COBL: variants seen among roughly 807,000 people sequenced by gnomAD.
COBL encodes the protein cordon-bleu WH2 repeat protein, also known as protein cordon-bleu.
COBL carries 51 observed loss-of-function variants against 98.8 expected under a neutral mutation model. The ratio of observed to expected loss-of-function variants is 0.52; its 90% CI spans 0.41 to 0.65. The LOEUF (loss-of-function observed/expected upper bound fraction) is 0.65, where lower values mean the gene tolerates loss of function less well. Among genes scored for constraint, COBL ranks in the 30% least tolerant of loss-of-function variants. The probability of loss-of-function intolerance (pLI) is 0.00; values close to 1 mark genes in which losing one functional copy is unlikely to be tolerated. For missense variants in COBL, 1,617 were observed against 1,617.5 expected (o/e 1.00, Z 0.01); for synonymous variants, 634 against 651.7 (o/e 0.97, Z 0.41).
At chr7:51,123,152 G>T (rs1344892) in intron 6 of COBL, among the ~76,000 whole-genome samples, 69,140 of 152,000 alleles carry the variant, frequency 0.45, 15,944 homozygotes, top group Middle Eastern at 0.68. Flanking sequence ...TGGAAGTTGG[G>T]TAAAGCCAAA....
chr7:51,223,136 C>T (rs1488517420), intron 1 of COBL, among the ~76,000 whole-genome samples: 1 of 152,242 alleles, frequency 6.6e-6, no homozygotes, highest in Non-Finnish European at 1.5e-5. Flanking sequence ...GCTCGGGGCA[C>T]GCACTGCTTA....
intron 6 of COBL, among the ~76,000 whole-genome samples, chr7:51,111,658 G>A (rs1472161026): frequency 1.3e-5 from 2 of 151,700 alleles, no homozygotes; most frequent in East Asian, 1.9e-4. Context: ...AAAAGAAACA[G>A]CTGCCTCTCC....
chr7:51,055,347 G>A (rs529157455), intron 7 of COBL, among the ~76,000 whole-genome samples: 44 of 152,094 alleles, frequency 2.9e-4, no homozygotes, highest in Non-Finnish European at 5.4e-4. Flanking sequence ...ATCTCTTAAC[G>A]TCCTCATCCA....
chr7:51,181,646 G>A (rs935776886), intron 5 of COBL, among the ~76,000 whole-genome samples: 5 of 152,208 alleles, frequency 3.3e-5, no homozygotes, highest in Non-Finnish European at 7.3e-5. Flanking sequence ...CCTTGGCCCA[G>A]ATAAACTATC....
chr7:51,084,160 G>A (rs1019140765), intron 7 of COBL, among the ~76,000 whole-genome samples: 17 of 152,242 alleles, frequency 1.1e-4, no homozygotes, highest in African/African-American at 3.9e-4. Context: ...CATTAAAAGC[G>A]AGGAACTGAC....
intron 6 of COBL, among the ~76,000 whole-genome samples, chr7:51,127,932 G>A (rs528953830): frequency 3.3e-5 from 5 of 152,286 alleles, no homozygotes; most frequent in South Asian, 2.1e-4. Context: ...GTGCTCCCAC[G>A]GTATTCCAGA....
chr7:51,280,067 A>C lies in COBL; in HGVS notation c.41+36526T>G, dbSNP rs956420585. ...CCCTCTCTCCTCCACATAGAGCAGC[A>C]AAAAAAATCTGGCCAGAATGCAAGG... On this transcript the variant is annotated intron_variant, in intron 1 of 12. Transcript: ENST00000265136. Among the ~76,000 whole-genome samples the C allele has an allele frequency of 4.6e-5, 7 of 152,268 alleles. No individual in the cohort carries two copies. In the South Asian group the frequency reaches 1.4e-3, roughly 32 times the overall value.
Position 51,109,509 on chromosome 7 carries a change from C to T in COBL, c.958-24205G>A, listed in dbSNP as rs371002563. Among the ~76,000 whole-genome samples the T allele has an allele frequency of 3.3e-5, 5 of 152,268 alleles. No individual in the cohort carries two copies. In the East Asian group the frequency reaches 7.7e-4, roughly 24 times the overall value. ...CTGTGACAGTCCTAAAATCCCATCT[C>T]CCTCCTTGCCCCCCACCCCTGGCTA... On this transcript the variant is annotated intron_variant, in intron 6 of 12. Coordinates refer to ENST00000265136, the MANE Select transcript of COBL (RefSeq NM_015198.5).
chr7:51,126,784 T>G (rs1181035749), intron 6 of COBL, among the ~76,000 whole-genome samples: 1 of 152,226 alleles, frequency 6.6e-6, no homozygotes, highest in Middle Eastern at 3.4e-3. Context: ...GCTGCCCTAT[T>G]TGCTCTCCAT....
chr7:51,085,864 C>T (rs1457389570), intron 6 of COBL, among the ~76,000 whole-genome samples: 3 of 152,148 alleles, frequency 2.0e-5, no homozygotes, highest in Admixed American at 2.0e-4. Flanking sequence ...TCCAGAATCG[C>T]AATGAAGTTT....
At chr7:51,271,378 G>A (rs944525257) in intron 1 of COBL, among the ~76,000 whole-genome samples, 17 of 152,176 alleles carry the variant, frequency 1.1e-4, no homozygotes, top group African/African-American at 3.9e-4. Flanking sequence ...GGTCCTTGGA[G>A]CTGCTGGGCT....
chr7:51,057,194 T>C (rs949456216), intron 7 of COBL, among the ~76,000 whole-genome samples: 1 of 152,216 alleles, frequency 6.6e-6, no homozygotes, highest in African/African-American at 2.4e-5. Flanking sequence ...AGAGTACTGA[T>C]GTTGGCATAT....
chr7:51,192,210 C>T (rs55699611), intron 3 of COBL, among the ~76,000 whole-genome samples: 7,747 of 152,244 alleles, frequency 0.051, 282 homozygotes, highest in Middle Eastern at 0.14. Flanking sequence ...ATGTTGGCTG[C>T]ATTACCATTT....
chr7:51,280,419 C>T (rs1399431068), intron 1 of COBL, among the ~76,000 whole-genome samples: 3 of 152,132 alleles, frequency 2.0e-5, no homozygotes, highest in Non-Finnish European at 4.4e-5. Context: ...CACAGGGACT[C>T]GCAAAGCTTC....
At chr7:51,126,986 C>T (rs1219906230) in intron 6 of COBL, among the ~76,000 whole-genome samples, 1 of 152,150 alleles carries the variant, frequency 6.6e-6, no homozygotes, top group East Asian at 1.9e-4. Flanking sequence ...GGGTCCACCA[C>T]ACACCAGGCA....
intron 6 of COBL, among the ~76,000 whole-genome samples, chr7:51,091,919 AG>A (rs1794846901): frequency 6.6e-6 from 1 of 152,240 alleles, no homozygotes; most frequent in African/African-American, 2.4e-5. Context: ...CTGCCAATCA[AG>A]GATACTTAAA....
chr7:51,152,597 T>C (rs749210684), intron 5 of COBL, among the ~76,000 whole-genome samples: 3 of 152,260 alleles, frequency 2.0e-5, no homozygotes, highest in Non-Finnish European at 4.4e-5. Flanking sequence ...ATTCTTCTCC[T>C]TCAGTTAAAT....
At chr7:51,159,986 G>A (rs1332930793) in intron 5 of COBL, among the ~76,000 whole-genome samples, 6 of 152,058 alleles carry the variant, frequency 3.9e-5, no homozygotes, top group Non-Finnish European at 5.9e-5. Context: ...TCCGCCTCCC[G>A]AGTTCAAGTG....
chr7:51,151,540 T>TA (rs1252648061), intron 5 of COBL, among the ~76,000 whole-genome samples: 1 of 152,190 alleles, frequency 6.6e-6, no homozygotes, highest in African/African-American at 2.4e-5. Context: ...TCTGATTTTT[T>TA]AAAAAAGAGA....
Sources: gnomAD v4.1 joint callset for allele counts (sites outside exome capture counted in the v4.1 genomes callset) on GRCh38, gnomAD v4.1.1 for gene constraint, MANE v1.5 for transcripts, NCBI Gene and HGNC (gene_info 2026-07-23, HGNC 2026-07-21) for gene names.